Variants in ZBTB32 observed in about 807,000 individuals in gnomAD.
The protein encoded by ZBTB32 is zinc finger and BTB domain containing 32.
A neutral mutation model predicts 45.3 loss-of-function variants in ZBTB32; 28 were observed. The observed-to-expected ratio is 0.62, with a 90% confidence interval of 0.46 to 0.85. ZBTB32 has a LOEUF of 0.85. Among genes scored for constraint, ZBTB32 ranks in the 40% least tolerant of loss-of-function variants. The pLI is 0.00. For synonymous variants in ZBTB32, 283 were observed against 255.7 expected (o/e 1.11, Z -1.02); for missense variants, 587 against 624.4 (o/e 0.94, Z 0.64).
In ZBTB32 at chr19:35,715,973, T is replaced by G; in HGVS notation, c.990T>G (p.Pro330=). 6.2e-7 allele frequency: 1 copy of G among 1,613,072 alleles called. No homozygotes were observed. Among genetic ancestry groups the G allele is most frequent in the Non-Finnish European group, 8.5e-7 (1 of 1,179,902 alleles). ...SLPQGPAQLS[P]GEMEESDQGH... is the part of the protein sequence containing the mutation. ...CCCAGGGCCCCGCACAGCTCAGCCC[T>G]GGGGAGATGGAAGAGTCTGATCAGG... The change falls in exon 5 of 7, where the codon CCT becomes CCG. Residue 330 remains proline (P), a synonymous_variant. Coordinates refer to ENST00000392197, the MANE Select transcript of ZBTB32 (RefSeq NM_014383.3).
intron 2 of ZBTB32, 86 bp downstream of exon 2, chr19:35,713,119 G>A (rs1453102150): frequency 6.6e-6 from 1 of 152,184 alleles, no homozygotes; most frequent in East Asian, 1.9e-4. Context: ...ATAGTAAATG[G>A]CAGAGATGAA....
At chr19:35,712,216 C>A (rs1450908006) in intron 1 of ZBTB32, among the ~76,000 whole-genome samples, 1 of 152,068 alleles carries the variant, frequency 6.6e-6, no homozygotes, top group African/African-American at 2.4e-5. Flanking sequence ...AATCCCAGCA[C>A]TTCGGGAGGC....
intron 1 of ZBTB32, among the ~76,000 whole-genome samples, chr19:35,708,537 C>T (rs1198526152): frequency 2.0e-5 from 3 of 152,180 alleles, no homozygotes; most frequent in African/African-American, 7.2e-5. Flanking sequence ...GACTTAGCTC[C>T]ATATGAGTGC....
chr19:35,709,802 C>G (rs1164436205), intron 1 of ZBTB32, among the ~76,000 whole-genome samples: 1 of 151,512 alleles, frequency 6.6e-6, no homozygotes, highest in African/African-American at 2.4e-5. Context: ...TCACTTGAAC[C>G]CAGGAGGCGG....
chr19:35,705,633 C>T (rs1968519347), intron 1 of ZBTB32, among the ~76,000 whole-genome samples: 1 of 152,082 alleles, frequency 6.6e-6, no homozygotes, highest in African/African-American at 2.4e-5. Context: ...GATTGGGTGG[C>T]CAGGCGTGGT....
chr19:35,716,535 T>C lies in ZBTB32; in HGVS notation c.1247T>C (p.Met416Thr), dbSNP rs201322774. ...CPQRSRDFSA[M>T]TKHLRTHGAA... Reference sequence around the variant, plus strand: ...CAGCGCTCCCGGGACTTCTCGGCCATGACCAAGCACCTGCGGACACACGGG... The same window carrying C: ...CAGCGCTCCCGGGACTTCTCGGCCACGACCAAGCACCTGCGGACACACGGG... Residue 416 changes from methionine (M) to threonine (T), a missense_variant, in exon 7 of 7, where the codon ATG (methionine) becomes ACG (threonine). Coordinates refer to ENST00000392197, the MANE Select transcript of ZBTB32 (RefSeq NM_014383.3). 187 of 1,612,446 alleles carry C rather than the reference T, an allele frequency of 1.2e-4. No homozygotes were observed. Among genetic ancestry groups the C allele is most frequent in the Non-Finnish European group, 1.5e-4 (177 of 1,179,252 alleles).
At chr19:35,712,627 TG>T (rs1013665285) in intron 1 of ZBTB32, among the ~76,000 whole-genome samples, 3 of 152,196 alleles carry the variant, frequency 2.0e-5, no homozygotes, top group African/African-American at 7.2e-5. Flanking sequence ...CTTGACCCCT[TG>T]GGCAGGAAGT....
chr19:35,706,011 C>T (rs1295827757), intron 1 of ZBTB32, among the ~76,000 whole-genome samples: 1 of 151,702 alleles, frequency 6.6e-6, no homozygotes, highest in Non-Finnish European at 1.5e-5. Flanking sequence ...GGCGGATTAC[C>T]TGAGGTCAGA....
At position 35,716,346 on chromosome 19, in the gene ZBTB32, G is replaced by A. The variant is rs201608304; in HGVS notation, c.1189+49G>A. Reference sequence around the variant, plus strand: ...AACTGTCGGCTTTCTTCCCAACTCCGCTCCTGAGTCTCCACCTGTGTGCCC... The same window carrying A: ...AACTGTCGGCTTTCTTCCCAACTCCACTCCTGAGTCTCCACCTGTGTGCCC... On this transcript the variant is annotated intron_variant, in intron 6 of 6. Transcript: ENST00000392197. 4.4e-6 allele frequency: 7 copies of A among 1,608,040 alleles called. No individual in the cohort carries two copies. In the Admixed American group the frequency reaches 8.4e-5, roughly 19 times the overall value.
At position 35,714,793 on chromosome 19, in the gene ZBTB32, G is replaced by T. The variant is rs2234365; in HGVS notation, c.167G>T (p.Arg56Leu). ...GCAGGTGTCAGCCAGCAGCTGGGCC[G>T]CAGGGGCCAGTGGGCTCTGGGAGAA... The part of the protein sequence containing the change: ...VLAGVSQQLG[R>L]RGQWALGEGI... Residue 56 changes from arginine to leucine, a missense_variant, in exon 3 of 7, where the codon CGC (arginine) becomes CTC (leucine). Transcript: ENST00000392197. 3,921 of 1,614,096 alleles carry T rather than the reference G, an allele frequency of 2.4e-3. 139 individuals carry two copies. In the Admixed American group the frequency reaches 0.059, roughly 24 times the overall value.
chr19:35,713,794 T>C lies in ZBTB32; in HGVS notation c.-104-729T>C, dbSNP rs569561085. On this transcript the variant is annotated intron_variant, in intron 2 of 6. Coordinates refer to ENST00000392197, the MANE Select transcript of ZBTB32 (RefSeq NM_014383.3). ...TTAAACCATCTCCTTACCCAAATCT[T>C]GAGAGGAAACAGCCTCCCTGTCTCC... is the stretch of plus-strand genomic sequence containing the variant. 1.1e-3 allele frequency among the ~76,000 whole-genome samples: 172 copies of C among 152,366 alleles called. 2 individuals are homozygous for C. The highest frequency in any genetic ancestry group is 3.9e-3 in the African/African-American group (162 of 41,588).
chr19:35,715,891 G>A (rs972583366), intron 4 of ZBTB32, 48 bp from the exon 5 acceptor site: 2 of 1,609,080 alleles, frequency 1.2e-6, no homozygotes, highest in African/African-American at 1.3e-5. Flanking sequence ...GCTGGGGCTC[G>A]AGGAGTCCAG....
chr19:35,710,702 G>A (rs1412163042), intron 1 of ZBTB32, among the ~76,000 whole-genome samples: 3 of 152,260 alleles, frequency 2.0e-5, no homozygotes, highest in African/African-American at 7.2e-5. Context: ...GCAGTGAGCC[G>A]AGATGGCGCC....
Position 35,715,185 on chromosome 19 carries a change from G to T in ZBTB32, c.559G>T (p.Glu187Ter). ...AGGAGCAACGCAGGAGGCTCAGCAG[G>T]AACAGACCAGGTCAAAGGAGAAACG... Reference protein sequence around the residue: ...MAGATQEAQQEQTRSKEKRLQ... With the variant: ...MAGATQEAQQ The change falls in exon 3 of 7, where the codon GAA becomes TAA. Residue 187 changes from glutamate (E) to a stop codon, truncating the protein, a stop_gained. Transcript: ENST00000392197. LOFTEE classifies it high-confidence loss of function. 1 of 1,612,758 alleles carries T rather than the reference G, an allele frequency of 6.2e-7. No individual in the cohort carries two copies. Among genetic ancestry groups the T allele is most frequent in the Non-Finnish European group, 8.5e-7 (1 of 1,179,826 alleles).
At chr19:35,712,628 G>A (rs996877746) in intron 1 of ZBTB32, among the ~76,000 whole-genome samples, 1 of 152,166 alleles carries the variant, frequency 6.6e-6, no homozygotes, top group African/African-American at 2.4e-5. Context: ...TTGACCCCTT[G>A]GGCAGGAAGT....
Position 35,716,774 on chromosome 19 carries a change from G to A in ZBTB32, c.*22G>A. The A allele has an allele frequency of 1.3e-6, 2 of 1,587,210 alleles. No individual in the cohort carries two copies. The highest frequency in any genetic ancestry group is 1.7e-6 in the Non-Finnish European group (2 of 1,160,402). ...CTGACGGGGTGTCGGTAGCGTCTTA[G>A]CCAAGAGTCCAATTAAAGAACGAAA... On this transcript the variant is annotated 3_prime_UTR_variant, in exon 7 of 7. Coordinates refer to ENST00000392197, the MANE Select transcript of ZBTB32 (RefSeq NM_014383.3).
At position 35,717,001 on chromosome 19, in the gene ZBTB32, C is replaced by G. The variant is rs1046057724; in HGVS notation, c.*249C>G. The G allele has an allele frequency of 9.0e-6, 5 of 555,892 alleles. No individual in the cohort carries two copies. The highest frequency in any genetic ancestry group is 9.4e-4 in the Middle Eastern group (2 of 2,136). 34.4% of individuals were successfully genotyped at this position (555,892 alleles called of 1,614,324 possible). ...TAACAGTAGGGGAGATTGTCGATCT[C>G]ATCACCATAATAAAGAGTTTCCTGT... On this transcript the variant is annotated 3_prime_UTR_variant, in exon 7 of 7. Transcript: ENST00000392197.
chr19:35,714,456 G>C, intron 2 of ZBTB32, 67 bp from the exon 3 acceptor site: 1 of 614,038 alleles, frequency 1.6e-6, no homozygotes, highest in Non-Finnish European at 2.6e-6. Context: ...TACTTTATTT[G>C]CTCACTCAGG....
intron 1 of ZBTB32, among the ~76,000 whole-genome samples, chr19:35,712,024 C>CAAAAAAAAAA (rs773746029): frequency 1.8e-5 from 1 of 54,838 alleles, no homozygotes; most frequent in African/African-American, 8.2e-5. Flanking sequence ...GACTGCGTCT[C>CAAAAAAAAAA]AAAAAAAAAA....
Sources: allele counts gnomAD v4.1 joint callset (sites outside exome capture counted in the v4.1 genomes callset), GRCh38; gene constraint gnomAD v4.1.1; transcripts MANE v1.5; gene names NCBI Gene and HGNC (gene_info 2026-07-23, HGNC 2026-07-21).